Variants in ARID4B observed in about 807,000 individuals in gnomAD.
The protein encoded by ARID4B is AT-rich interactive domain-containing protein 4B.
ARID4B carries 26 observed loss-of-function variants against 147.5 expected under a neutral mutation model. That is an observed-to-expected ratio of 0.18 (90% CI 0.13 to 0.24). The LOEUF (loss-of-function observed/expected upper bound fraction) is 0.24. Ranked by LOEUF, ARID4B falls within the 10% of genes least tolerant of loss-of-function variation. The probability of loss-of-function intolerance (pLI) is 1.00; values close to 1 mark genes in which losing one functional copy is unlikely to be tolerated. For synonymous variants in ARID4B, 512 were observed against 507.9 expected (o/e 1.01, Z -0.11); for missense variants, 1,179 against 1,511.5 (o/e 0.78, Z 3.65).
chr1:235,178,214 A>C (rs931057752), intron 20 of ARID4B, among the ~76,000 whole-genome samples: 11 of 152,206 alleles, frequency 7.2e-5, no homozygotes, highest in Non-Finnish European at 1.0e-4. Context: ...TTATAAGCCT[A>C]GTAATTAAAA....
At chr1:235,318,168 CTTTTTT>C (rs372816686) in intron 2 of ARID4B, among the ~76,000 whole-genome samples, 6 of 112,000 alleles carry the variant, frequency 5.4e-5, no homozygotes, top group Admixed American at 2.6e-4. Flanking sequence ...CTTGCTACTC[CTTTTTT>C]TTTTTTTTTT....
intron 2 of ARID4B, among the ~76,000 whole-genome samples, chr1:235,322,588 T>C (rs1387694538): frequency 6.6e-6 from 1 of 152,212 alleles, no homozygotes; most frequent in Admixed American, 6.5e-5. Context: ...AGCTGTCCTC[T>C]TCTGTCCTCT....
intron 9 of ARID4B, among the ~76,000 whole-genome samples, chr1:235,231,809 A>G (rs1668256089): frequency 6.6e-6 from 1 of 152,170 alleles, no homozygotes; most frequent in Admixed American, 6.5e-5. Flanking sequence ...ATGGCAATAT[A>G]ATGATAAAAT....
chr1:235,306,677 A>G (rs1004355530), intron 2 of ARID4B, among the ~76,000 whole-genome samples: 1 of 152,046 alleles, frequency 6.6e-6, no homozygotes, highest in African/African-American at 2.4e-5. Flanking sequence ...TTTTTAAGAC[A>G]GAGTCTCTCC....
At chr1:235,202,908 T>C (rs1666050560) in intron 17 of ARID4B, among the ~76,000 whole-genome samples, 1 of 152,172 alleles carries the variant, frequency 6.6e-6, no homozygotes. Flanking sequence ...GACGTATTCA[T>C]TTGACAAACA....
chr1:235,222,786 G>GA (rs1667559243), intron 13 of ARID4B, among the ~76,000 whole-genome samples: 1 of 151,136 alleles, frequency 6.6e-6, no homozygotes, highest in South Asian at 2.1e-4. Flanking sequence ...GGGTTCAAGC[G>GA]ATTCTCGTGC....
chr1:235,236,828 T>TAAAAAAAAAAA (rs767176715), intron 8 of ARID4B, among the ~76,000 whole-genome samples: 4 of 46,322 alleles, frequency 8.6e-5, no homozygotes, highest in South Asian at 2.5e-3. Flanking sequence ...AACGGTTTTA[T>TAAAAAAAAAAA]AAAAAATATA....
intron 9 of ARID4B, among the ~76,000 whole-genome samples, chr1:235,233,942 G>A (rs533416077): frequency 3.9e-5 from 6 of 152,230 alleles, no homozygotes; most frequent in Admixed American, 6.5e-5. Flanking sequence ...AGCTGGGTGC[G>A]GTGGCATGCA....
chr1:235,253,165 A>T (rs1414129840), intron 5 of ARID4B, among the ~76,000 whole-genome samples: 1 of 152,226 alleles, frequency 6.6e-6, no homozygotes, highest in East Asian at 1.9e-4. Context: ...AGATATTGAC[A>T]GATTTACCTA....
chr1:235,221,356 T>G (rs991610666), intron 14 of ARID4B, among the ~76,000 whole-genome samples: 1 of 152,132 alleles, frequency 6.6e-6, no homozygotes, highest in Non-Finnish European at 1.5e-5. Context: ...ACTTGACAAA[T>G]GTACTTAGCC....
intron 2 of ARID4B, among the ~76,000 whole-genome samples, chr1:235,288,846 AAAG>A (rs1363964550): frequency 1.3e-5 from 2 of 152,210 alleles, no homozygotes; most frequent in African/African-American, 2.4e-5. Flanking sequence ...CATAATGAAA[AAAG>A]AAGACTCTTA....
At chr1:235,175,637 C>T in intron 21 of ARID4B, 1 of 473,260 alleles carries the variant, frequency 2.1e-6, no homozygotes, top group Non-Finnish European at 3.8e-6. Flanking sequence ...ACTAATCTAT[C>T]ATTATGCTTG....
chr1:235,213,659 G>A, intron 17 of ARID4B, 110 bp downstream of exon 17: 1 of 1,203,844 alleles, frequency 8.3e-7, no homozygotes, highest in Non-Finnish European at 1.1e-6. Context: ...AAGGTACTAT[G>A]ACCTCAATTA....
chr1:235,263,603 T>A (rs542479726), intron 2 of ARID4B, among the ~76,000 whole-genome samples: 2 of 152,258 alleles, frequency 1.3e-5, no homozygotes, highest in Admixed American at 6.5e-5. Context: ...TGGGGCAAAC[T>A]ATTCTTTTGA....
chr1:235,322,972 C>T (rs1674950641), intron 2 of ARID4B, among the ~76,000 whole-genome samples: 1 of 151,524 alleles, frequency 6.6e-6, no homozygotes, highest in African/African-American at 2.4e-5. Context: ...TGGCCTAAGC[C>T]AATCATTGTT....
At chr1:235,252,336 A>T (rs546933593) in intron 6 of ARID4B, among the ~76,000 whole-genome samples, 2 of 152,184 alleles carry the variant, frequency 1.3e-5, no homozygotes, top group Non-Finnish European at 2.9e-5. Flanking sequence ...GGGCATAATA[A>T]TATCAGCTAA....
At chr1:235,302,640 C>T (rs1673263003) in intron 2 of ARID4B, among the ~76,000 whole-genome samples, 1 of 152,144 alleles carries the variant, frequency 6.6e-6, no homozygotes, top group African/African-American at 2.4e-5. Flanking sequence ...GATAACACTG[C>T]TCTAAACAAT....
At chr1:235,263,756 G>T (rs1036186107) in intron 2 of ARID4B, among the ~76,000 whole-genome samples, 2 of 151,946 alleles carry the variant, frequency 1.3e-5, no homozygotes, top group African/African-American at 4.8e-5. Flanking sequence ...GGGAGGCTGA[G>T]GCGGGCGGAT....
At chr1:235,194,232 T>C in intron 18 of ARID4B, 21 bp from the exon 19 acceptor site, 1 of 1,533,768 alleles carries the variant, frequency 6.5e-7, no homozygotes, top group Non-Finnish European at 9.0e-7. Context: ...AAAAAAAGTA[T>C]GTCGTAATTT....
Sources: allele counts gnomAD v4.1 joint callset (sites outside exome capture counted in the v4.1 genomes callset), GRCh38; gene constraint gnomAD v4.1.1; transcripts MANE v1.5; gene names NCBI Gene and HGNC (gene_info 2026-07-23, HGNC 2026-07-21).